Variants in ARRB1 observed in about 807,000 individuals in gnomAD.
The protein encoded by ARRB1 is arrestin beta 1.
Under a neutral mutation model 56.8 loss-of-function variants are expected in ARRB1, and 21 were observed. The observed-to-expected ratio is 0.37, with a 90% CI of 0.26 to 0.53. ARRB1 has a LOEUF of 0.53. ARRB1 is among the 20% of genes least tolerant of loss of function. ARRB1 has a pLI of 0.88. For synonymous variants in ARRB1, 210 were observed against 218.6 expected (o/e 0.96, Z 0.35); for missense variants, 424 against 553.7 (o/e 0.77, Z 2.35).
chr11:75,266,939 G>A (rs1486607288), intron 15 of ARRB1, among the ~76,000 whole-genome samples: 1 of 152,202 alleles, frequency 6.6e-6, no homozygotes, highest in East Asian at 1.9e-4. Context: ...TTCAGGACTA[G>A]ACTGCCTTTA....
chr11:75,305,946 T>C (rs1222508220), intron 1 of ARRB1, among the ~76,000 whole-genome samples: 1 of 152,114 alleles, frequency 6.6e-6, no homozygotes, highest in Non-Finnish European at 1.5e-5. Context: ...AGCAAAAGAA[T>C]GACAACCTGA....
rs1037658595 is a variant in ARRB1 at position 75,271,765 on chromosome 11, A to G, written c.999-41T>C. The stretch of plus-strand genomic sequence containing the variant: ...GAGGCAGGAGAAGTGGTCAGGAGAG[A>G]GTTCAGAGAGGAAGAAAACAAAAAG... On this transcript the variant is annotated intron_variant, in intron 12 of 15. Coordinates refer to ENST00000420843, the MANE Select transcript of ARRB1 (RefSeq NM_004041.5). The G allele has an allele frequency of 3.9e-6, 6 of 1,551,496 alleles. No homozygotes were observed. The Admixed American group carries it at 6.0e-5, about 15-fold the overall frequency.
chr11:75,312,594 G>C (rs1342889271), intron 1 of ARRB1, among the ~76,000 whole-genome samples: 1 of 152,200 alleles, frequency 6.6e-6, no homozygotes, highest in Non-Finnish European at 1.5e-5. Flanking sequence ...GTTGGGTCAT[G>C]TGGTAGAAGA....
At chr11:75,319,749 G>A (rs1427603438) in intron 1 of ARRB1, among the ~76,000 whole-genome samples, 1 of 152,168 alleles carries the variant, frequency 6.6e-6, no homozygotes, top group Non-Finnish European at 1.5e-5. Context: ...AGCTCTGTAA[G>A]CCAGGAGGAG....
chr11:75,281,240 A>C (rs1453110774), intron 6 of ARRB1, 98 bp from the exon 7 acceptor site: 8 of 1,150,230 alleles, frequency 7.0e-6, no homozygotes, highest in Non-Finnish European at 8.8e-6. Flanking sequence ...GACACTGGAC[A>C]GGAACACCAA....
intron 14 of ARRB1, among the ~76,000 whole-genome samples, chr11:75,268,574 A>C (rs1450913745): frequency 6.7e-6 from 1 of 150,210 alleles, no homozygotes; most frequent in African/African-American, 2.4e-5. Flanking sequence ...TCCAACGGTC[A>C]TCTTATCCAA....
chr11:75,311,565 C>T (rs1413537000), intron 1 of ARRB1, among the ~76,000 whole-genome samples: 2 of 152,208 alleles, frequency 1.3e-5, no homozygotes, highest in Non-Finnish European at 2.9e-5. Flanking sequence ...TAGCAGACTG[C>T]ACATTTCAAA....
At chr11:75,285,463 C>T (rs1946448166) in intron 3 of ARRB1, among the ~76,000 whole-genome samples, 1 of 152,160 alleles carries the variant, frequency 6.6e-6, no homozygotes, top group South Asian at 2.1e-4. Flanking sequence ...CTCCCCCTAC[C>T]CTCTAACCCA....
At chr11:75,341,225 C>T (rs1028396148) in intron 1 of ARRB1, among the ~76,000 whole-genome samples, 7 of 152,130 alleles carry the variant, frequency 4.6e-5, no homozygotes, top group Non-Finnish European at 1.0e-4. Flanking sequence ...GCAACCTTCA[C>T]CTCCCGGGTC....
At chr11:75,349,711 G>A (rs1215319293) in intron 1 of ARRB1, among the ~76,000 whole-genome samples, 1 of 152,254 alleles carries the variant, frequency 6.6e-6, no homozygotes, top group Non-Finnish European at 1.5e-5. Flanking sequence ...AGATGGATGT[G>A]GCTGGGGAAG....
chr11:75,287,924 G>A (rs748772179), intron 2 of ARRB1, among the ~76,000 whole-genome samples: 43 of 151,994 alleles, frequency 2.8e-4, no homozygotes, highest in Non-Finnish European at 1.0e-4. Flanking sequence ...GTGCAATGGC[G>A]CGATCTCAGA....
At chr11:75,296,847 TTTTG>T (rs1056528683) in intron 1 of ARRB1, among the ~76,000 whole-genome samples, 3 of 152,046 alleles carry the variant, frequency 2.0e-5, no homozygotes, top group Non-Finnish European at 4.4e-5. Context: ...CCAGCTAATT[TTTTG>T]TATTTTAGTA....
intron 1 of ARRB1, among the ~76,000 whole-genome samples, chr11:75,302,975 G>GT (rs1317471594): frequency 1.4e-5 from 2 of 147,072 alleles, no homozygotes; most frequent in Non-Finnish European, 3.0e-5. Flanking sequence ...AATTTATGAT[G>GT]TTTTTCCCCC....
intron 1 of ARRB1, among the ~76,000 whole-genome samples, chr11:75,312,321 A>G (rs1294643356): frequency 6.6e-6 from 1 of 152,136 alleles, no homozygotes. Context: ...AGGACCCCTG[A>G]CCGCCGAAGG....
intron 1 of ARRB1, among the ~76,000 whole-genome samples, chr11:75,336,743 G>A (rs532257598): frequency 2.6e-5 from 4 of 152,234 alleles, no homozygotes; most frequent in Non-Finnish European, 4.4e-5. Context: ...ACTTCCAGTC[G>A]GAGAGTGGCT....
At chr11:75,272,796 T>TA (rs1565105656) in intron 12 of ARRB1, 99 bp downstream of exon 12, 3 of 1,192,842 alleles carry the variant, frequency 2.5e-6, no homozygotes, top group African/African-American at 3.0e-5. Context: ...TGGATGCAGC[T>TA]AAAAGGGCTG....
intron 10 of ARRB1, among the ~76,000 whole-genome samples, chr11:75,275,115 TA>T (rs374281619): frequency 2.1e-5 from 3 of 146,084 alleles, no homozygotes; most frequent in African/African-American, 7.5e-5. Flanking sequence ...TAAACAAATT[TA>T]ATTTAAATTT....
chr11:75,303,861 G>A (rs1024479441), intron 1 of ARRB1, among the ~76,000 whole-genome samples: 1 of 152,202 alleles, frequency 6.6e-6, no homozygotes, highest in African/African-American at 2.4e-5. Context: ...TGGATGCCAC[G>A]GAACTGAAAT....
chr11:75,323,019 A>C (rs777630609), intron 1 of ARRB1, among the ~76,000 whole-genome samples: 1 of 152,234 alleles, frequency 6.6e-6, no homozygotes, highest in Non-Finnish European at 1.5e-5. Flanking sequence ...GATATTATTC[A>C]TCTGGGTCAG....
Sources: gnomAD v4.1 joint callset for allele counts (sites outside exome capture counted in the v4.1 genomes callset) on GRCh38, gnomAD v4.1.1 for gene constraint, MANE v1.5 for transcripts, NCBI Gene and HGNC (gene_info 2026-07-23, HGNC 2026-07-21) for gene names.